SLC39A11: variants seen among roughly 807,000 people sequenced by gnomAD.
SLC39A11 encodes the protein solute carrier family 39 member 11, also known as zinc transporter ZIP11.
Under a neutral mutation model 36.1 loss-of-function variants are expected in SLC39A11, and 33 were observed. The ratio of observed to expected loss-of-function variants is 0.91; its 90% CI spans 0.69 to 1.22. The LOEUF is 1.22. Among genes scored for constraint, SLC39A11 ranks in the 50% most tolerant of loss-of-function variants. The pLI is 0.00. For missense variants in SLC39A11, 432 were observed against 430.3 expected (o/e 1.00, Z -0.03); for synonymous variants, 166 against 170.3 (o/e 0.97, Z 0.20).
intron 5 of SLC39A11, among the ~76,000 whole-genome samples, chr17:72,859,874 G>GCA: frequency 7.0e-6 from 1 of 142,152 alleles, no homozygotes; most frequent in Non-Finnish European, 1.5e-5. Flanking sequence ...TATAGTCCCA[G>GCA]CTTCTTGGGA....
At chr17:73,023,137 T>C (rs897288919) in intron 4 of SLC39A11, among the ~76,000 whole-genome samples, 1 of 151,930 alleles carries the variant, frequency 6.6e-6, no homozygotes, top group Non-Finnish European at 1.5e-5. Flanking sequence ...ACTGTTCCAG[T>C]GTCAGGGAAG....
rs373247540 is a variant in SLC39A11 at position 73,030,511 on chromosome 17, G to A, written c.306+1045C>T. Among the ~76,000 whole-genome samples the A allele has an allele frequency of 5.3e-4, 81 of 152,266 alleles. 1 individual carries two copies. The highest frequency in any genetic ancestry group is 1.9e-3 in the African/African-American group (79 of 41,546). On this transcript the variant is annotated intron_variant, in intron 4 of 9. Coordinates refer to ENST00000255559, the MANE Select transcript of SLC39A11 (RefSeq NM_139177.4). ...GAGAACTTCAACCTACCTACCTCCCGGGGTACATGACCACTGACTCCAGTG... is the reference window on the plus strand; with the variant it reads ...GAGAACTTCAACCTACCTACCTCCCAGGGTACATGACCACTGACTCCAGTG...
chr17:72,936,274 C>G (rs1598480585), intron 5 of SLC39A11, among the ~76,000 whole-genome samples: 1 of 151,748 alleles, frequency 6.6e-6, no homozygotes, highest in African/African-American at 2.4e-5. Context: ...TTTTTGAGAC[C>G]AAGTTGCACA....
intron 5 of SLC39A11, among the ~76,000 whole-genome samples, chr17:72,933,420 G>A (rs2084547184): frequency 6.6e-6 from 1 of 152,166 alleles, no homozygotes; most frequent in Admixed American, 6.6e-5. Context: ...AGACTTTGGA[G>A]AATATACCAT....
At chr17:73,026,517 C>CAAAAAAAA (rs548390962) in intron 4 of SLC39A11, among the ~76,000 whole-genome samples, 21 of 75,404 alleles carry the variant, frequency 2.8e-4, no homozygotes, top group Non-Finnish European at 4.6e-4. Context: ...GAAACTACAT[C>CAAAAAAAA]AAAAAAAAAA....
chr17:72,919,844 C>T (rs2083552532), intron 5 of SLC39A11, among the ~76,000 whole-genome samples: 1 of 152,138 alleles, frequency 6.6e-6, no homozygotes, highest in Admixed American at 6.5e-5. Context: ...CCTGCTAGGA[C>T]CACAGGCTCT....
At chr17:73,026,517 C>CAAA (rs548390962) in intron 4 of SLC39A11, among the ~76,000 whole-genome samples, 24 of 75,572 alleles carry the variant, frequency 3.2e-4, no homozygotes, top group African/African-American at 8.9e-4. Context: ...GAAACTACAT[C>CAAA]AAAAAAAAAA....
chr17:72,746,949 A>G (rs1337084145), intron 6 of SLC39A11, among the ~76,000 whole-genome samples: 2 of 151,844 alleles, frequency 1.3e-5, no homozygotes, highest in Non-Finnish European at 2.9e-5. Context: ...CAGGAGGCTG[A>G]GGAGGAAGGA....
Position 72,650,106 on chromosome 17 carries a change from C to T in SLC39A11, c.672-838G>A, listed in dbSNP as rs117605204. Among the ~76,000 whole-genome samples the T allele has an allele frequency of 4.1e-4, 62 of 152,336 alleles. No homozygotes were observed. The East Asian group carries it at 7.1e-3, about 18-fold the overall frequency. ...TGGGACAAGGAAGTGCAGCTGCAGA[C>T]GCTGATGGTGCCACAGATCTGGCTC... On this transcript the variant is annotated intron_variant, in intron 7 of 9. Transcript: ENST00000255559.
chr17:73,000,337 C>G (rs1489566996), intron 4 of SLC39A11, among the ~76,000 whole-genome samples: 1 of 151,408 alleles, frequency 6.6e-6, no homozygotes, highest in Non-Finnish European at 1.5e-5. Context: ...TCTCTCTTCT[C>G]CCCTCTCTCT....
chr17:72,672,659 A>T (rs528216178), intron 7 of SLC39A11, among the ~76,000 whole-genome samples: 1 of 152,136 alleles, frequency 6.6e-6, no homozygotes, highest in African/African-American at 2.4e-5. Flanking sequence ...GAGTACAATG[A>T]CACTATCATG....
intron 4 of SLC39A11, among the ~76,000 whole-genome samples, chr17:73,008,399 A>G (rs1436510405): frequency 6.6e-6 from 1 of 152,090 alleles, no homozygotes; most frequent in African/African-American, 2.4e-5. Context: ...CCAAACAACC[A>G]CACTGCCCTG....
intron 4 of SLC39A11, among the ~76,000 whole-genome samples, chr17:73,004,120 A>G (rs9907706): frequency 0.5 from 73,433 of 145,660 alleles, 22,154 homozygotes; most frequent in Middle Eastern, 0.75. Flanking sequence ...GAGAGAGAGA[A>G]AGAAAGAAAG....
intron 6 of SLC39A11, among the ~76,000 whole-genome samples, chr17:72,758,985 C>T (rs1038503389): frequency 1.3e-5 from 2 of 152,088 alleles, no homozygotes; most frequent in African/African-American, 4.8e-5. Context: ...CCTATAATCC[C>T]AGCTACCCAG....
intron 6 of SLC39A11, among the ~76,000 whole-genome samples, chr17:72,777,030 T>C (rs1277516123): frequency 1.3e-5 from 2 of 152,146 alleles, no homozygotes; most frequent in East Asian, 1.9e-4. Context: ...GCCGTGAGGA[T>C]TGGCTGAGGT....
At chr17:72,882,214 G>C (rs2081226796) in intron 5 of SLC39A11, among the ~76,000 whole-genome samples, 1 of 152,084 alleles carries the variant, frequency 6.6e-6, no homozygotes, top group Admixed American at 6.5e-5. Context: ...ACTGTAGCCA[G>C]GCATGGTGGT....
At chr17:72,955,697 G>C (rs1449758002) in intron 4 of SLC39A11, among the ~76,000 whole-genome samples, 1 of 151,812 alleles carries the variant, frequency 6.6e-6, no homozygotes, top group Non-Finnish European at 1.5e-5. Flanking sequence ...CCCAGCACAC[G>C]GTCTGTGTTC....
intron 7 of SLC39A11, among the ~76,000 whole-genome samples, chr17:72,683,486 C>T (rs918913382): frequency 2.0e-5 from 3 of 151,940 alleles, no homozygotes; most frequent in African/African-American, 4.8e-5. Flanking sequence ...CATGCACACA[C>T]CACCACACCT....
chr17:72,754,809 C>T (rs942456747), intron 6 of SLC39A11, among the ~76,000 whole-genome samples: 3 of 152,188 alleles, frequency 2.0e-5, no homozygotes, highest in Non-Finnish European at 4.4e-5. Context: ...CAGACACGTA[C>T]ACGAATGCAG....
Sources: allele counts gnomAD v4.1 joint callset (sites outside exome capture counted in the v4.1 genomes callset), GRCh38; gene constraint gnomAD v4.1.1; transcripts MANE v1.5; gene names NCBI Gene and HGNC (gene_info 2026-07-23, HGNC 2026-07-21).